CTTNBP2: variants seen among roughly 807,000 people sequenced by gnomAD.
The protein encoded by CTTNBP2 is cortactin binding protein 2, also known as cortactin-binding protein 2.
CTTNBP2 carries 108 observed loss-of-function variants against 156.9 expected under a neutral mutation model. The ratio of observed to expected loss-of-function variants is 0.69; its 90% CI spans 0.59 to 0.81. The LOEUF (loss-of-function observed/expected upper bound fraction) is 0.81, where lower values mean the gene tolerates loss of function less well. CTTNBP2 is among the 30% of genes least tolerant of loss of function. The probability of loss-of-function intolerance (pLI) is 0.00; values close to 1 mark genes in which losing one functional copy is unlikely to be tolerated. For missense variants in CTTNBP2, 1,924 were observed against 2,035.4 expected, an observed-to-expected ratio of 0.95 and a Z score of 1.05; for synonymous variants, 767 against 751.8, an observed-to-expected ratio of 1.02 and a Z score of -0.33.
chr7:117,791,164 G>T lies in CTTNBP2; in HGVS notation c.2032C>A (p.Pro678Thr). The T allele has an allele frequency of 6.2e-7, 1 of 1,614,178 alleles. No homozygotes were observed. The highest frequency in any genetic ancestry group is 1.1e-5 in the South Asian group (1 of 91,078). ...ACCAGGAGGCTGTCTGAGGCACCTG[G>T]TCTACAGGATGAGGCACTAACGGGG... Reference protein sequence around the residue: ...INPVSASSCRPGASDSLLVTA... With the variant: ...INPVSASSCRTGASDSLLVTA... The change falls in exon 4 of 23, where the codon CCA (proline) becomes ACA (threonine). Residue 678 changes from proline to threonine, a missense_variant. By Grantham distance (38) the Pro-to-Thr change is conservative. Coordinates refer to ENST00000160373, the MANE Select transcript of CTTNBP2 (RefSeq NM_033427.3).
At chr7:117,836,797 G>T (rs773788608) in intron 2 of CTTNBP2, among the ~76,000 whole-genome samples, 211 of 152,292 alleles carry the variant, frequency 1.4e-3, no homozygotes, top group Non-Finnish European at 2.3e-3. Context: ...GAGAGAAAAT[G>T]AGAACCAAGT....
chr7:117,764,962 G>A lies in CTTNBP2; in HGVS notation c.2896+2097C>T, dbSNP rs911437141. 5.3e-5 allele frequency among the ~76,000 whole-genome samples: 8 copies of A among 152,032 alleles called. No homozygotes were observed. In the South Asian group the frequency reaches 1.0e-3, roughly 20 times the overall value. The stretch of plus-strand genomic sequence containing the variant: ...TTTTGTTTTGTTTTTTTGAGATAGA[G>A]TCTCACTCTGTCACCCAGGCTGGAG... On this transcript the variant is annotated intron_variant, in intron 9 of 22. Coordinates refer to ENST00000160373, the MANE Select transcript of CTTNBP2 (RefSeq NM_033427.3).
chr7:117,746,041 A>G lies in CTTNBP2; in HGVS notation c.3407T>C (p.Ile1136Thr). 1 of 1,614,088 alleles carries G rather than the reference A, an allele frequency of 6.2e-7. No homozygotes were observed. Among genetic ancestry groups the G allele is most frequent in the Non-Finnish European group, 8.5e-7 (1 of 1,179,916 alleles). Residue 1136 changes from isoleucine (I) to threonine (T), a missense_variant, in exon 13 of 23, where the codon ATA becomes ACA. Coordinates refer to ENST00000160373, the MANE Select transcript of CTTNBP2 (RefSeq NM_033427.3). Reference protein sequence around the residue: ...HGPEGSLQDYIVHQLALCLKH... With the variant: ...HGPEGSLQDYTVHQLALCLKH... Reference sequence around the variant, plus strand: ...CAGGCAGAGTGCAAGCTGATGTACTATGTAGTCTTGCAAGCTTCCTTCTGG... The same window carrying G: ...CAGGCAGAGTGCAAGCTGATGTACTGTGTAGTCTTGCAAGCTTCCTTCTGG...
At chr7:117,752,401 G>A (rs537443387) in intron 12 of CTTNBP2, among the ~76,000 whole-genome samples, 7 of 152,156 alleles carry the variant, frequency 4.6e-5, no homozygotes, top group Non-Finnish European at 8.8e-5. Context: ...CTGGCTAAAT[G>A]TTTAAGTTAA....
chr7:117,716,313 G>C (rs892263519), intron 22 of CTTNBP2, among the ~76,000 whole-genome samples: 1 of 151,772 alleles, frequency 6.6e-6, no homozygotes, highest in African/African-American at 2.4e-5. Context: ...GACAATGTTT[G>C]TTTCTTTATT....
At chr7:117,824,652 G>A (rs1206218751) in intron 2 of CTTNBP2, among the ~76,000 whole-genome samples, 1 of 152,204 alleles carries the variant, frequency 6.6e-6, no homozygotes, top group Non-Finnish European at 1.5e-5. Context: ...CAGCTGCATG[G>A]CTAGAAATTT....
At position 117,792,878 on chromosome 7, in the gene CTTNBP2, T is replaced by C. The variant is rs1194566461; in HGVS notation, c.415-97A>G. On this transcript the variant is annotated intron_variant, in intron 3 of 22. Coordinates refer to ENST00000160373, the MANE Select transcript of CTTNBP2 (RefSeq NM_033427.3). This position sits in a 1 kb window ranked among gnomAD's most constrained non-coding sequence, Gnocchi z 4.2. ...GAGATTTTTATTAATTTTCTAACAA[T>C]TACATAACTCGGGTTAGCAAAAACG... 1 of 884,764 alleles carries C rather than the reference T, an allele frequency of 1.1e-6. No individual in the cohort carries two copies. The allele number at this position is 884,764 out of a possible 1,614,324, so 54.8% of individuals were successfully genotyped here.
chr7:117,779,295 T>C (rs1014265509), intron 7 of CTTNBP2, among the ~76,000 whole-genome samples: 8 of 152,168 alleles, frequency 5.3e-5, no homozygotes, highest in Non-Finnish European at 1.0e-4. Context: ...CAACCACTTC[T>C]GGAAAAAAAA....
At chr7:117,818,650 C>A (rs1800767340) in intron 2 of CTTNBP2, among the ~76,000 whole-genome samples, 2 of 152,146 alleles carry the variant, frequency 1.3e-5, no homozygotes, top group African/African-American at 4.8e-5. Flanking sequence ...CTTCTGGACT[C>A]ACTTTTGGCT....
chr7:117,855,453 C>T (rs1803237309), intron 2 of CTTNBP2, among the ~76,000 whole-genome samples: 1 of 152,156 alleles, frequency 6.6e-6, no homozygotes, highest in Admixed American at 6.5e-5. Flanking sequence ...CCCTCCTTGA[C>T]TAGTATTACC....
At chr7:117,861,117 G>A in intron 2 of CTTNBP2, 92 bp downstream of exon 2, 2 of 734,444 alleles carry the variant, frequency 2.7e-6, no homozygotes, top group Non-Finnish European at 2.3e-6. Context: ...AAATCTATTT[G>A]ATTCAAAAAT....
At chr7:117,779,883 C>T (rs1198080827) in intron 7 of CTTNBP2, among the ~76,000 whole-genome samples, 1 of 152,066 alleles carries the variant, frequency 6.6e-6, no homozygotes, top group Admixed American at 6.6e-5. Context: ...GCCTCAGCCT[C>T]CCTAGTAGCT....
chr7:117,843,049 G>C (rs1802369087), intron 2 of CTTNBP2, among the ~76,000 whole-genome samples: 1 of 152,172 alleles, frequency 6.6e-6, no homozygotes, highest in Non-Finnish European at 1.5e-5. Flanking sequence ...TTTGGGGGTG[G>C]GGAGAGAAGA....
chr7:117,795,988 C>T (rs1334551470), intron 3 of CTTNBP2, among the ~76,000 whole-genome samples: 1 of 152,162 alleles, frequency 6.6e-6, no homozygotes, highest in African/African-American at 2.4e-5. Context: ...CTACCTTTCC[C>T]CAAATCTTCA....
chr7:117,728,541 A>G (rs1369436955), intron 16 of CTTNBP2, among the ~76,000 whole-genome samples: 2 of 152,216 alleles, frequency 1.3e-5, no homozygotes, highest in Non-Finnish European at 2.9e-5. Context: ...AGGCAGGAAG[A>G]AAAAATAACT....
chr7:117,821,652 A>G (rs992845517), intron 2 of CTTNBP2, among the ~76,000 whole-genome samples: 2 of 149,146 alleles, frequency 1.3e-5, no homozygotes, highest in African/African-American at 5.0e-5. Context: ...GCAGTGGTGC[A>G]ATCTCGGCTC....
intron 5 of CTTNBP2, among the ~76,000 whole-genome samples, 158 bp from the exon 6 acceptor site, chr7:117,783,119 A>G (rs543787059): frequency 2.7e-4 from 41 of 152,288 alleles, no homozygotes; most frequent in Non-Finnish European, 5.4e-4. Flanking sequence ...TCTGTAGACT[A>G]TTTTACAGGA....
chr7:117,727,989 G>A (rs773251757), intron 17 of CTTNBP2, 100 bp downstream of exon 17: 5 of 1,014,842 alleles, frequency 4.9e-6, no homozygotes, highest in Non-Finnish European at 7.4e-6. Context: ...TCAGTGACAG[G>A]AGGTGGCACA....
At chr7:117,815,136 T>C (rs1184086738) in intron 2 of CTTNBP2, among the ~76,000 whole-genome samples, 1 of 152,236 alleles carries the variant, frequency 6.6e-6, no homozygotes, top group Non-Finnish European at 1.5e-5. Context: ...CAAAATGTAC[T>C]TTTGATATTC....
Sources: allele counts gnomAD v4.1 joint callset (sites outside exome capture counted in the v4.1 genomes callset), GRCh38; gene constraint gnomAD v4.1.1; non-coding constraint Gnocchi (gnomAD v3.1); transcripts MANE v1.5; gene names NCBI Gene and HGNC (gene_info 2026-07-23, HGNC 2026-07-21).